FGF14: variants seen among roughly 807,000 people sequenced by gnomAD.
FGF14 encodes the protein fibroblast growth factor 14.
Under a neutral mutation model 25.5 loss-of-function variants are expected in FGF14, and 5 were observed. The observed-to-expected ratio is 0.20, with a 90% CI of 0.10 to 0.41. The LOEUF is 0.41. Among genes scored for constraint, FGF14 ranks in the 10% least tolerant of loss-of-function variants. The pLI, the probability that FGF14 is intolerant of heterozygous loss-of-function variation, is 1.00. For missense variants in FGF14, 222 were observed against 320.1 expected (o/e 0.69, Z 2.34); for synonymous variants, 138 against 118.3 (o/e 1.17, Z -1.08).
chr13:102,018,058 T>C (rs1235624836), intron 1 of FGF14, among the ~76,000 whole-genome samples: 1 of 152,184 alleles, frequency 6.6e-6, no homozygotes, highest in East Asian at 1.9e-4. Flanking sequence ...TGTCAGTTCT[T>C]CTGTTTCTAG....
intron 1 of FGF14, among the ~76,000 whole-genome samples, chr13:102,287,276 T>G (rs1043402193): frequency 2.0e-4 from 30 of 152,350 alleles, no homozygotes; most frequent in Middle Eastern, 3.4e-3. Context: ...CACAGCATGC[T>G]TGCATGTACT....
intron 1 of FGF14, among the ~76,000 whole-genome samples, chr13:102,083,297 C>G (rs1306844363): frequency 6.6e-6 from 1 of 152,202 alleles, no homozygotes; most frequent in African/African-American, 2.4e-5. Flanking sequence ...AGCCTATTGT[C>G]AACTCTGCAG....
intron 1 of FGF14, among the ~76,000 whole-genome samples, chr13:102,283,119 C>T (rs1305807428): frequency 1.3e-5 from 2 of 152,106 alleles, no homozygotes; most frequent in South Asian, 2.1e-4. Flanking sequence ...TGCCCCAGCT[C>T]CTGCCATCAC....
intron 3 of FGF14, among the ~76,000 whole-genome samples, chr13:101,747,757 A>G (rs2139819559): frequency 6.6e-6 from 1 of 152,152 alleles, no homozygotes; most frequent in Non-Finnish European, 1.5e-5. Flanking sequence ...AGAATCTACA[A>G]GGAATTCAGA....
At chr13:102,108,862 A>G (rs2045066818) in intron 1 of FGF14, among the ~76,000 whole-genome samples, 1 of 152,200 alleles carries the variant, frequency 6.6e-6, no homozygotes, top group African/African-American at 2.4e-5. Context: ...GTCACACAAT[A>G]AGATGTTTCA....
intron 1 of FGF14, among the ~76,000 whole-genome samples, chr13:101,922,500 T>A (rs1004417407): frequency 2.6e-5 from 4 of 152,330 alleles, no homozygotes; most frequent in Admixed American, 1.3e-4. Flanking sequence ...CACACAGTTT[T>A]CTATCTTGCC....
chr13:101,808,634 T>G (rs2140169266), intron 3 of FGF14, among the ~76,000 whole-genome samples: 1 of 152,216 alleles, frequency 6.6e-6, no homozygotes, highest in East Asian at 1.9e-4. Flanking sequence ...TGGCCTCTCT[T>G]GTTGGATAGC....
intron 1 of FGF14, among the ~76,000 whole-genome samples, chr13:102,250,509 AG>A: frequency 6.6e-6 from 1 of 152,316 alleles, no homozygotes; most frequent in Admixed American, 6.5e-5. Context: ...GGAAAGGAAC[AG>A]GGTAGGCAAA....
intron 3 of FGF14, among the ~76,000 whole-genome samples, chr13:101,734,746 G>A (rs2036058966): frequency 6.6e-6 from 1 of 152,110 alleles, no homozygotes; most frequent in East Asian, 1.9e-4. Flanking sequence ...AATCGTATGG[G>A]ATGACACTAT....
At chr13:101,789,726 T>C (rs972482607) in intron 3 of FGF14, among the ~76,000 whole-genome samples, 11 of 151,978 alleles carry the variant, frequency 7.2e-5, no homozygotes, top group African/African-American at 2.7e-4. Context: ...AAAACAAATA[T>C]ATGAAACTTT....
chr13:101,906,728 T>C (rs2032295692), intron 1 of FGF14, among the ~76,000 whole-genome samples: 1 of 152,172 alleles, frequency 6.6e-6, no homozygotes, highest in Non-Finnish European at 1.5e-5. Flanking sequence ...TCTTTGCCAT[T>C]TGCTTATACC....
At chr13:101,870,491 AG>A (rs2044996223) in intron 2 of FGF14, among the ~76,000 whole-genome samples, 1 of 152,218 alleles carries the variant, frequency 6.6e-6, no homozygotes, top group African/African-American at 2.4e-5. Flanking sequence ...TGATATTTGT[AG>A]GTGCCACATA....
At chr13:101,917,282 G>T (rs2033625015), upstream of FGF14, among the ~76,000 whole-genome samples, 1 of 152,204 alleles carries the variant, frequency 6.6e-6, no homozygotes, top group East Asian at 1.9e-4. Flanking sequence ...CAAACGCTCC[G>T]TTCCCACCCC....
At chr13:102,076,174 AC>A (rs1161732460) in intron 1 of FGF14, among the ~76,000 whole-genome samples, 1 of 152,080 alleles carries the variant, frequency 6.6e-6, no homozygotes, top group Non-Finnish European at 1.5e-5. Flanking sequence ...CTTCACATCC[AC>A]TCACCACTCA....
intron 1 of FGF14, among the ~76,000 whole-genome samples, chr13:102,060,675 T>TA (rs1382368818): frequency 6.6e-6 from 1 of 152,128 alleles, no homozygotes; most frequent in African/African-American, 2.4e-5. Context: ...TAAAAATCAG[T>TA]AAAAATCCTT....
chr13:102,200,055 C>A (rs1285764679), intron 1 of FGF14, among the ~76,000 whole-genome samples: 1 of 152,162 alleles, frequency 6.6e-6, no homozygotes, highest in African/African-American at 2.4e-5. Flanking sequence ...TATCATGTGG[C>A]CTCAGTGTTG....
At chr13:102,044,877 AAT>A (rs957481862) in intron 1 of FGF14, among the ~76,000 whole-genome samples, 1 of 152,130 alleles carries the variant, frequency 6.6e-6, no homozygotes, top group African/African-American at 2.4e-5. Flanking sequence ...TGTCTACCAA[AAT>A]ACTCTAGATC....
chr13:102,107,568 G>T (rs2044985141), intron 1 of FGF14, among the ~76,000 whole-genome samples: 1 of 152,188 alleles, frequency 6.6e-6, no homozygotes, highest in Admixed American at 6.5e-5. Flanking sequence ...TATTTATTGA[G>T]CTCTTACTAA....
chr13:101,944,149 G>A (rs2035656828), intron 1 of FGF14, among the ~76,000 whole-genome samples: 1 of 152,130 alleles, frequency 6.6e-6, no homozygotes. Flanking sequence ...AAGAGCAGAA[G>A]TTTTATGGCC....
Sources: allele counts gnomAD v4.1 joint callset (sites outside exome capture counted in the v4.1 genomes callset), GRCh38; gene constraint gnomAD v4.1.1; transcripts MANE v1.5; gene names NCBI Gene and HGNC (gene_info 2026-07-23, HGNC 2026-07-21).